The following SFMBT2 variants were observed in gnomAD, a reference collection of about 807,000 sequenced individuals.
SFMBT2 encodes scm-like with four MBT domains protein 2.
A neutral mutation model predicts 110.1 loss-of-function variants in SFMBT2; 38 were observed. That is an observed-to-expected ratio of 0.35 (90% CI 0.27 to 0.45). SFMBT2 has a LOEUF of 0.45. Among genes scored for constraint, SFMBT2 ranks in the 20% least tolerant of loss-of-function variants. The pLI is 1.00. For synonymous variants in SFMBT2, 425 were observed against 425.4 expected (o/e 1.00, Z 0.01); for missense variants, 1,011 against 1,094.9 (o/e 0.92, Z 1.08).
chr10:7,323,094 G>A (rs1215555746), intron 4 of SFMBT2, among the ~76,000 whole-genome samples: 5 of 152,156 alleles, frequency 3.3e-5, no homozygotes, highest in African/African-American at 4.8e-5. Context: ...TACCATTTAT[G>A]GAAAGTCTGA....
At chr10:7,391,901 G>A (rs534385376) in intron 1 of SFMBT2, among the ~76,000 whole-genome samples, 1 of 152,208 alleles carries the variant, frequency 6.6e-6, no homozygotes, top group Non-Finnish European at 1.5e-5. Context: ...GACTTGAAAT[G>A]GTTGGATAAT....
intron 11 of SFMBT2, among the ~76,000 whole-genome samples, chr10:7,208,241 C>G (rs1588339547): frequency 6.6e-6 from 1 of 152,114 alleles, no homozygotes. Context: ...GGTCCCCGGG[C>G]AGGTTCCTGG....
In SFMBT2 at chr10:7,273,979, C is replaced by T. The variant is rs143186261; in HGVS notation, c.870+2913G>A. Among the ~76,000 whole-genome samples, 9 of 152,302 alleles carry T rather than the reference C, an allele frequency of 5.9e-5. No individual in the cohort carries two copies. In the East Asian group the frequency reaches 1.3e-3, roughly 23 times the overall value. Reference sequence around the variant, plus strand: ...ATGCTGCTATGAAGACACATGCACACGGATGTTTATTGCAGCACTATTCAC... The same window carrying T: ...ATGCTGCTATGAAGACACATGCACATGGATGTTTATTGCAGCACTATTCAC... On this transcript the variant is annotated intron_variant, in intron 7 of 20. Coordinates refer to ENST00000397167, the MANE Select transcript of SFMBT2 (RefSeq NM_001387889.1).
At chr10:7,186,095 T>A (rs1323009468) in intron 16 of SFMBT2, among the ~76,000 whole-genome samples, 1 of 152,136 alleles carries the variant, frequency 6.6e-6, no homozygotes, top group Non-Finnish European at 1.5e-5. Flanking sequence ...GGTACGGTTG[T>A]TGGATAAATA....
intron 15 of SFMBT2, among the ~76,000 whole-genome samples, chr10:7,196,515 CG>C (rs1838772166): frequency 6.6e-6 from 1 of 152,216 alleles, no homozygotes; most frequent in South Asian, 2.1e-4. Flanking sequence ...GCCTCTCTCT[CG>C]GACGCCCAAC....
intron 9 of SFMBT2, among the ~76,000 whole-genome samples, chr10:7,242,361 C>T (rs545008025): frequency 6.6e-6 from 1 of 152,316 alleles, no homozygotes; most frequent in East Asian, 1.9e-4. Flanking sequence ...CTCACCGCTA[C>T]CAGGGGACAC....
intron 16 of SFMBT2, among the ~76,000 whole-genome samples, chr10:7,184,206 G>A (rs375047647): frequency 6.6e-5 from 10 of 152,132 alleles, no homozygotes; most frequent in African/African-American, 2.4e-4. Flanking sequence ...TTTTGGCTGT[G>A]TCCCCACCCA....
Position 7,293,444 on chromosome 10 carries a change from G to C in SFMBT2, c.437-7490C>G, listed in dbSNP as rs888318566. 6.6e-6 allele frequency among the ~76,000 whole-genome samples: 1 copy of C among 152,080 alleles called. No individual in the cohort carries two copies. The highest frequency in any genetic ancestry group is 2.4e-5 in the African/African-American group (1 of 41,384). The stretch of plus-strand genomic sequence containing the variant: ...GAAGGTAAAGCTAATGGGATTCGCT[G>C]ATGGGCTACAAGAGAAGTAGAACAC... On this transcript the variant is annotated intron_variant, in intron 4 of 20. Coordinates refer to ENST00000397167, the MANE Select transcript of SFMBT2 (RefSeq NM_001387889.1). This position sits in a 1 kb window ranked among gnomAD's most constrained non-coding sequence, Gnocchi z 4.6.
At chr10:7,330,968 G>T (rs1843544731) in intron 4 of SFMBT2, among the ~76,000 whole-genome samples, 1 of 152,224 alleles carries the variant, frequency 6.6e-6, no homozygotes, top group African/African-American at 2.4e-5. Context: ...CTACTGTCCA[G>T]CTCCAAGGCA....
At chr10:7,232,246 T>C (rs1392989095) in intron 9 of SFMBT2, among the ~76,000 whole-genome samples, 3 of 152,106 alleles carry the variant, frequency 2.0e-5, no homozygotes, top group Non-Finnish European at 1.5e-5. Context: ...ACAGCTCTAT[T>C]TGCACACATC....
At chr10:7,168,159 AC>A (rs1837752652) in intron 20 of SFMBT2, among the ~76,000 whole-genome samples, 1 of 152,168 alleles carries the variant, frequency 6.6e-6, no homozygotes, top group Admixed American at 6.5e-5. Flanking sequence ...AAGGCATGAA[AC>A]TTTTCTCTGG....
intron 9 of SFMBT2, among the ~76,000 whole-genome samples, chr10:7,228,703 C>CTT (rs1839981818): frequency 7.5e-6 from 1 of 132,998 alleles, no homozygotes; most frequent in South Asian, 2.5e-4. Context: ...TTCTTTCTTT[C>CTT]TTTCTTTCTT....
chr10:7,333,877 C>T (rs1393721303), intron 4 of SFMBT2, among the ~76,000 whole-genome samples: 1 of 152,044 alleles, frequency 6.6e-6, no homozygotes, highest in African/African-American at 2.4e-5. Context: ...CACTAGGAAG[C>T]GCTGGTGTTG....
At chr10:7,317,641 CA>C (rs56181512) in intron 4 of SFMBT2, among the ~76,000 whole-genome samples, 1 of 92,848 alleles carries the variant, frequency 1.1e-5, no homozygotes, top group Admixed American at 1.3e-4. Flanking sequence ...AACTCCGTCT[CA>C]AAAAAAAAAA....
At chr10:7,397,736 G>C (rs375531852) in intron 1 of SFMBT2, among the ~76,000 whole-genome samples, 9 of 152,232 alleles carry the variant, frequency 5.9e-5, no homozygotes, top group African/African-American at 2.2e-4. Context: ...AGGAAGAACC[G>C]CATCTGTAAA....
chr10:7,181,622 C>T (rs567884008), intron 16 of SFMBT2, among the ~76,000 whole-genome samples: 78 of 152,328 alleles, frequency 5.1e-4, no homozygotes, highest in Non-Finnish European at 8.2e-4. Flanking sequence ...GACTTTCCAT[C>T]ACATGAGCAT....
At chr10:7,222,681 T>G (rs1452828703) in intron 10 of SFMBT2, among the ~76,000 whole-genome samples, 2 of 152,122 alleles carry the variant, frequency 1.3e-5, no homozygotes, top group East Asian at 3.9e-4. Flanking sequence ...CTTCTTTTTT[T>G]TTTTTTGAGA....
chr10:7,203,517 A>G (rs564835000), intron 12 of SFMBT2: 4 of 213,452 alleles, frequency 1.9e-5, no homozygotes, highest in Admixed American at 6.5e-5. Flanking sequence ...CTTAACCTGT[A>G]TATGATTGTG....
chr10:7,306,158 A>C (rs1408340679), intron 4 of SFMBT2, among the ~76,000 whole-genome samples: 1 of 152,218 alleles, frequency 6.6e-6, no homozygotes, highest in Non-Finnish European at 1.5e-5. Flanking sequence ...ACCATGCCCC[A>C]GTCAATGACA....
Sources: gnomAD v4.1 joint callset for allele counts (sites outside exome capture counted in the v4.1 genomes callset) on GRCh38, gnomAD v4.1.1 for gene constraint, Gnocchi (gnomAD v3.1) non-coding constraint, MANE v1.5 for transcripts, NCBI Gene and HGNC (gene_info 2026-07-23, HGNC 2026-07-21) for gene names.